Variants in PPDPFL observed in about 807,000 individuals in gnomAD.
PPDPFL encodes pancreatic progenitor cell differentiation and proliferation factor like.
In PPDPFL, 12 loss-of-function variants were observed where a neutral mutation model predicts 12.6. The observed-to-expected ratio is 0.95, with a 90% CI of 0.61 to 1.54. The LOEUF is 1.54. PPDPFL is among the 40% of genes most tolerant of loss of function. The pLI, the probability that PPDPFL is intolerant of heterozygous loss-of-function variation, is 0.00. For synonymous variants in PPDPFL, 24 were observed against 32.7 expected, an observed-to-expected ratio of 0.73 and a Z score of 0.91; for missense variants, 114 against 96.0, an observed-to-expected ratio of 1.19 and a Z score of -0.78.
chr8:49,068,649 G>C (rs1808335383), upstream of PPDPFL, among the ~76,000 whole-genome samples: 1 of 152,062 alleles, frequency 6.6e-6, no homozygotes, highest in Non-Finnish European at 1.5e-5. Flanking sequence ...GTATGTATTT[G>C]TGTGTGTGTA....
At position 49,075,596 on chromosome 8, in the gene PPDPFL, G is replaced by C. The variant is rs1459307840; in HGVS notation, c.*423G>C. ...ATTTTTATTAAAAAAACTTAAGTTA[G>C]ACTCTTTTTCTGTCTGTTGAGTGAT... On this transcript the variant is annotated 3_prime_UTR_variant, in exon 5 of 5. Transcript: ENST00000522267. 3.4e-6 allele frequency: 1 copy of C among 293,946 alleles called. No individual in the cohort carries two copies. Among genetic ancestry groups the C allele is most frequent in the Non-Finnish European group, 6.4e-6 (1 of 156,638 alleles). The allele number at this position is 293,946 out of a possible 1,614,324, so 18.2% of individuals were successfully genotyped here. A position where few individuals can be genotyped will look rare whatever the true frequency, so the allele number is the denominator to read the frequency against.
chr8:49,075,410 A>T lies in PPDPFL; in HGVS notation c.*237A>T, dbSNP rs1403548999. The T allele has an allele frequency of 3.1e-5, 25 of 801,756 alleles. No individual in the cohort carries two copies. Among genetic ancestry groups the T allele is most frequent in the African/African-American group, 5.1e-5 (3 of 59,060 alleles). 49.7% of individuals were successfully genotyped at this position (801,756 alleles called of 1,614,324 possible). ...TCACAGCAGCCACTGATATAAAAAA[A>T]GTTTAGGCATTTTTCTCAACACAAA... On this transcript the variant is annotated 3_prime_UTR_variant, in exon 5 of 5. Coordinates refer to ENST00000522267, the MANE Select transcript of PPDPFL (RefSeq NM_001256597.2).
rs868344933 is a variant in PPDPFL at position 49,074,564 on chromosome 8, G to T, written c.233+231G>T. 2.0e-6 allele frequency: 3 copies of T among 1,536,234 alleles called. 1 individual carries two copies. The Middle Eastern group carries it at 5.0e-4, about 256-fold the overall frequency. On this transcript the variant is annotated intron_variant, in intron 4 of 4. Transcript: ENST00000522267. ...TCCAGTTCAATCACTCAAGAGTGGT[G>T]GAGAAGTCATATGCCAAACTGTGTC...
intron 2 of PPDPFL, 66 bp downstream of exon 2, chr8:49,072,951 G>A: frequency 7.5e-7 from 1 of 1,332,956 alleles, no homozygotes; most frequent in African/African-American, 1.5e-5. Context: ...GTGGGATATT[G>A]TTAACACAGG....
rs144227459 is a variant in PPDPFL at position 49,073,197 on chromosome 8, CATAA to C, written c.55+318_55+321del. Among the ~76,000 whole-genome samples the C allele has an allele frequency of 2.9e-3, 444 of 152,274 alleles. 2 individuals are homozygous for C. The highest frequency in any genetic ancestry group is 0.01 in the African/African-American group (419 of 41,558). On this transcript the variant is annotated intron_variant, in intron 2 of 4. Coordinates refer to ENST00000522267, the MANE Select transcript of PPDPFL (RefSeq NM_001256597.2). ...GATTCACTAAAAACTGATAATTTTA[CATAA>C]ATAAAGTATTATTCAACTCCTTAGA...
intron 1 of PPDPFL, among the ~76,000 whole-genome samples, chr8:49,058,362 T>A (rs145987156): frequency 6.6e-6 from 1 of 152,304 alleles, no homozygotes; most frequent in Non-Finnish European, 1.5e-5. Context: ...GGCATTCTGC[T>A]TCTACTGGAG....
At chr8:49,073,351 G>A (rs1488858889) in intron 2 of PPDPFL, among the ~76,000 whole-genome samples, 1 of 152,012 alleles carries the variant, frequency 6.6e-6, no homozygotes, top group Non-Finnish European at 1.5e-5. Flanking sequence ...TCATATTCAT[G>A]GCCAAATAGA....
In PPDPFL at chr8:49,074,336, G is replaced by GAC. The variant is rs1415727336; in HGVS notation, c.233+4_233+5insCA. 6.2e-7 allele frequency: 1 copy of GAC among 1,613,324 alleles called. No homozygotes were observed. The highest frequency in any genetic ancestry group is 8.5e-7 in the Non-Finnish European group (1 of 1,179,276). ...ATAAAAGATCTGTCTGCTACTGGGT[G>GAC]AGTTTTAGCCTTCTCTGGTAAGGGC... On this transcript the variant is annotated splice_donor_region_variant and intron_variant, in intron 4 of 4. Coordinates refer to ENST00000522267, the MANE Select transcript of PPDPFL (RefSeq NM_001256597.2).
intron 4 of PPDPFL, 199 bp downstream of exon 4, chr8:49,074,532 C>T (rs1269073905): frequency 6.5e-7 from 1 of 1,537,046 alleles, no homozygotes; most frequent in Non-Finnish European, 8.7e-7. Context: ...AAGATCATAG[C>T]ACCCTTTCCA....
intron 1 of PPDPFL, among the ~76,000 whole-genome samples, chr8:49,058,513 A>G (rs1207793493): frequency 6.6e-6 from 1 of 152,248 alleles, no homozygotes; most frequent in Non-Finnish European, 1.5e-5. Context: ...TGCTGTGCAT[A>G]TTAAATGTGC....
At chr8:49,074,591 T>C in intron 4 of PPDPFL, 2 of 1,536,004 alleles carry the variant, frequency 1.3e-6, no homozygotes, top group Non-Finnish European at 1.7e-6. Flanking sequence ...AACTGTGTCA[T>C]TGTTTGGCGG....
Position 49,073,617 on chromosome 8 carries a change from A to G in PPDPFL, c.56-442A>G, listed in dbSNP as rs187774454. Among the ~76,000 whole-genome samples, 460 of 152,316 alleles carry G rather than the reference A, an allele frequency of 3.0e-3. 3 individuals carry two copies. The highest frequency in any genetic ancestry group is 0.01 in the African/African-American group (436 of 41,582). On this transcript the variant is annotated intron_variant, in intron 2 of 4. Coordinates refer to ENST00000522267, the MANE Select transcript of PPDPFL (RefSeq NM_001256597.2). ...GATCTTATAAGAGACATAGGTTTTAAATACAAGCCTAATAAGACAAAATGT... is the reference window on the plus strand; with the variant it reads ...GATCTTATAAGAGACATAGGTTTTAGATACAAGCCTAATAAGACAAAATGT...
rs577174619 is a variant in PPDPFL at position 49,075,471 on chromosome 8, A to G, written c.*298A>G. On this transcript the variant is annotated 3_prime_UTR_variant, in exon 5 of 5. Transcript: ENST00000522267. Reference sequence around the variant, plus strand: ...GGAAGTGGCACTTGCTACCTGGTGCATCTTTGAAAAGTGTGCCTTTAGAAA... The same window carrying G: ...GGAAGTGGCACTTGCTACCTGGTGCGTCTTTGAAAAGTGTGCCTTTAGAAA... The G allele has an allele frequency of 1.7e-6, 1 of 600,550 alleles. No individual in the cohort carries two copies. Among genetic ancestry groups the G allele is most frequent in the African/African-American group, 1.8e-5 (1 of 54,090 alleles). The allele number at this position is 600,550 out of a possible 1,614,324, so 37.2% of individuals were successfully genotyped here. A position where few individuals can be genotyped will look rare whatever the true frequency, so the allele number is the denominator to read the frequency against.
intron 4 of PPDPFL, 151 bp downstream of exon 4, chr8:49,074,484 G>C: frequency 6.5e-7 from 1 of 1,539,484 alleles, no homozygotes; most frequent in Non-Finnish European, 8.7e-7. Flanking sequence ...GATGAGGGTG[G>C]CACTAACAGA....
intron 1 of PPDPFL, among the ~76,000 whole-genome samples, chr8:49,061,741 G>A (rs973618019): frequency 2.0e-5 from 3 of 152,142 alleles, no homozygotes; most frequent in South Asian, 2.1e-4. Flanking sequence ...AGGGACTTGT[G>A]GCTAAATGAT....
chr8:49,057,615 A>G (rs1269611927), intron 1 of PPDPFL, among the ~76,000 whole-genome samples: 2 of 152,140 alleles, frequency 1.3e-5, no homozygotes, highest in Admixed American at 6.5e-5. Context: ...ATACTTCACT[A>G]CACTCACCAA....
rs767957992 is a variant in PPDPFL, at chr8:49,075,256, A to G, written c.*83A>G. ...GTAGCATGAACAGTTGATTCTGACAATCAAGATCCTCTGCCTGCTGCAGTG... is the reference window on the plus strand; with the variant it reads ...GTAGCATGAACAGTTGATTCTGACAGTCAAGATCCTCTGCCTGCTGCAGTG... On this transcript the variant is annotated 3_prime_UTR_variant, in exon 5 of 5. Coordinates refer to ENST00000522267, the MANE Select transcript of PPDPFL (RefSeq NM_001256597.2). The G allele has an allele frequency of 3.1e-6, 5 of 1,613,884 alleles. No individual in the cohort carries two copies. The African/African-American group carries it at 4.0e-5, about 13-fold the overall frequency.
At chr8:49,071,300 G>A (rs1359839163), upstream of PPDPFL, among the ~76,000 whole-genome samples, 1 of 152,182 alleles carries the variant, frequency 6.6e-6, no homozygotes, top group East Asian at 1.9e-4. Flanking sequence ...ATCAGCAATG[G>A]CCACAATCAC....
At chr8:49,054,833 A>G (rs1808088310) in intron 1 of PPDPFL, among the ~76,000 whole-genome samples, 1 of 152,218 alleles carries the variant, frequency 6.6e-6, no homozygotes, top group East Asian at 1.9e-4. Flanking sequence ...ACTCAAAGGC[A>G]TACTTCACAT....
Sources: allele counts gnomAD v4.1 joint callset (sites outside exome capture counted in the v4.1 genomes callset), GRCh38; gene constraint gnomAD v4.1.1; transcripts MANE v1.5; gene names NCBI Gene and HGNC (gene_info 2026-07-23, HGNC 2026-07-21).